Variants in SLC45A4 observed in about 807,000 individuals in gnomAD.
The protein encoded by SLC45A4 is solute carrier family 45 member 4.
In SLC45A4, 32 loss-of-function variants were observed where a neutral mutation model predicts 63.7. The observed-to-expected ratio is 0.50, with a 90% CI of 0.38 to 0.67. The LOEUF (loss-of-function observed/expected upper bound fraction) is 0.67, where lower values mean the gene tolerates loss of function less well. Among genes scored for constraint, SLC45A4 ranks in the 30% least tolerant of loss-of-function variants. The probability of loss-of-function intolerance (pLI) is 0.00; values close to 1 mark genes in which losing one functional copy is unlikely to be tolerated. For synonymous variants in SLC45A4, 535 were observed against 510.0 expected (o/e 1.05, Z -0.66); for missense variants, 1,027 against 1,157.7 (o/e 0.89, Z 1.64).
chr8:141,219,133 A>G (rs1163798898), intron 4 of SLC45A4, 104 bp from the exon 5 acceptor site: 3 of 1,311,250 alleles, frequency 2.3e-6, no homozygotes, highest in African/African-American at 3.0e-5. Context: ...GGCTGCCCTC[A>G]TGATGGGAGT....
chr8:141,307,890 TG>T (rs1418763131), intron 1 of SLC45A4, among the ~76,000 whole-genome samples: 1 of 69,010 alleles, frequency 1.4e-5, no homozygotes, highest in Non-Finnish European at 2.8e-5. Context: ...GGGAAGGAAT[TG>T]GGGGGCCCTG....
chr8:141,266,710 C>G (rs1028923957), intron 1 of SLC45A4, among the ~76,000 whole-genome samples: 1 of 152,188 alleles, frequency 6.6e-6, no homozygotes, highest in Non-Finnish European at 1.5e-5. Context: ...GTCCTTAAAA[C>G]TCAACGAAAA....
In SLC45A4 at chr8:141,221,607, C is replaced by T. The variant is rs150530787; in HGVS notation, c.400G>A (p.Val134Ile). Residue 134 changes from valine to isoleucine, a missense_variant, in exon 3 of 9, where the codon GTT (valine) becomes ATT (isoleucine). Physicochemically the swap from Val to Ile is conservative, Grantham distance 29. Coordinates refer to ENST00000517878, the MANE Select transcript of SLC45A4 (RefSeq NM_001286646.2). ...LALCVGVLFG[V>I]ALFLNGSAIG... Reference sequence around the variant, plus strand: ...GCAGAGCCGTTAAGGAAAAGTGCAACGCCAAAGAGGACGCCAACGCAGAGG... The same window carrying T: ...GCAGAGCCGTTAAGGAAAAGTGCAATGCCAAAGAGGACGCCAACGCAGAGG... 6.3e-5 allele frequency: 101 copies of T among 1,613,576 alleles called. No individual in the cohort carries two copies. In the African/African-American group the frequency reaches 1.0e-3, roughly 16 times the overall value.
chr8:141,228,377 C>T (rs747909846), intron 2 of SLC45A4: 3 of 1,537,572 alleles, frequency 2.0e-6, no homozygotes, highest in African/African-American at 2.7e-5. Flanking sequence ...GGCTAGAGGC[C>T]CCTGGCCAGA....
chr8:141,265,454 A>G (rs1442920438), intron 1 of SLC45A4, among the ~76,000 whole-genome samples: 1 of 152,260 alleles, frequency 6.6e-6, no homozygotes, highest in African/African-American at 2.4e-5. Flanking sequence ...ATCAGATACC[A>G]TAAAACCAGT....
chr8:141,218,751 A>G lies in SLC45A4; in HGVS notation c.889T>C (p.Tyr297His). 6.2e-7 allele frequency: 1 copy of G among 1,613,258 alleles called. No individual in the cohort carries two copies. Among genetic ancestry groups the G allele is most frequent in the Non-Finnish European group, 8.5e-7 (1 of 1,179,850 alleles). Residue 297 changes from tyrosine to histidine, a missense_variant, in exon 5 of 9, where the codon TAC (tyrosine) becomes CAC (histidine). Coordinates refer to ENST00000517878, the MANE Select transcript of SLC45A4 (RefSeq NM_001286646.2). ...CTGCGCATGATGTCCACGTCCGGGT[A>G]GTCCAGGGCCAGCTCGTGCTCCGAC... ...VQSEHELALDYPDVDIMRSKS... is the reference protein window; with the variant it reads ...VQSEHELALDHPDVDIMRSKS...
chr8:141,244,325 G>A (rs1160521566), intron 2 of SLC45A4, among the ~76,000 whole-genome samples: 2 of 152,306 alleles, frequency 1.3e-5, no homozygotes, highest in African/African-American at 2.4e-5. Context: ...AGCCTCCTCC[G>A]GAATGTAATA....
At chr8:141,279,805 C>T (rs1475759825) in intron 1 of SLC45A4, among the ~76,000 whole-genome samples, 1 of 152,272 alleles carries the variant, frequency 6.6e-6, no homozygotes, top group East Asian at 1.9e-4. Context: ...CAAGTCCAAA[C>T]ACAATCTGGC....
At chr8:141,211,784 T>C (rs368514066) in intron 8 of SLC45A4, 87 bp from the exon 9 acceptor site, 1 of 1,378,320 alleles carries the variant, frequency 7.3e-7, no homozygotes. Flanking sequence ...TAGCAGAGAA[T>C]GTCAGATTTT....
intron 1 of SLC45A4, among the ~76,000 whole-genome samples, chr8:141,277,698 G>A (rs1829782058): frequency 6.6e-6 from 1 of 151,632 alleles, no homozygotes; most frequent in Non-Finnish European, 1.5e-5. Flanking sequence ...GGAGTGCAGT[G>A]GGGCGATCTC....
chr8:141,216,833 GA>G (rs1826183247), intron 6 of SLC45A4, among the ~76,000 whole-genome samples: 1 of 152,200 alleles, frequency 6.6e-6, no homozygotes, highest in Non-Finnish European at 1.5e-5. Context: ...AGCATCATGG[GA>G]CCGCACAGGC....
chr8:141,306,545 G>C (rs1192812966), intron 1 of SLC45A4, among the ~76,000 whole-genome samples: 1 of 152,186 alleles, frequency 6.6e-6, no homozygotes, highest in Non-Finnish European at 1.5e-5. Context: ...AGAAAAGTGA[G>C]GACACTATAC....
At chr8:141,247,139 C>T (rs1828250243) in intron 2 of SLC45A4, among the ~76,000 whole-genome samples, 1 of 152,158 alleles carries the variant, frequency 6.6e-6, no homozygotes, top group Non-Finnish European at 1.5e-5. Flanking sequence ...CCAGGCTGAT[C>T]AAATTACCAA....
At position 141,284,056 on chromosome 8, in the gene SLC45A4, C is replaced by A. The variant is rs554915421; in HGVS notation, c.-401+24040G>T. Among the ~76,000 whole-genome samples, 21 of 152,326 alleles carry A rather than the reference C, an allele frequency of 1.4e-4. No homozygotes were observed. The South Asian group carries it at 4.4e-3, about 32-fold the overall frequency. ...TTAACTAGGACTGCTGATATATTTT[C>A]TCCACTGGCTTTCATGTACACATTA... On this transcript the variant is annotated intron_variant, in intron 1 of 8. Coordinates refer to ENST00000517878, the MANE Select transcript of SLC45A4 (RefSeq NM_001286646.2).
At chr8:141,212,685 A>C in intron 7 of SLC45A4, 129 bp from the exon 8 acceptor site, 1 of 1,148,150 alleles carries the variant, frequency 8.7e-7, no homozygotes, top group South Asian at 1.6e-5. Context: ...CTTGGCAACC[A>C]CTCCTGCCTG....
In SLC45A4 at chr8:141,218,386, C is replaced by T. The variant is rs150882337; in HGVS notation, c.1254G>A (p.Ala418=). 1.5e-4 allele frequency: 237 copies of T among 1,608,230 alleles called. 1 individual carries two copies. Among genetic ancestry groups the T allele is most frequent in the Non-Finnish European group, 1.9e-4 (230 of 1,179,632 alleles). ...TSSSMRRRRH[A]FRRQASSTFS... is the part of the protein sequence containing the mutation. Reference sequence around the variant, plus strand: ...AGGTGCTGGAGGCCTGCCTGCGGAACGCGTGCCGCCGCCGCCGCATGGAGC... The same window carrying T: ...AGGTGCTGGAGGCCTGCCTGCGGAATGCGTGCCGCCGCCGCCGCATGGAGC... Residue 418 remains alanine, a synonymous_variant, in exon 5 of 9, where the codon GCG becomes GCA. Coordinates refer to ENST00000517878, the MANE Select transcript of SLC45A4 (RefSeq NM_001286646.2).
rs749995626 is a variant in SLC45A4 at position 141,217,182 on chromosome 8, G to C, written c.1637C>G (p.Ser546Trp). The C allele has an allele frequency of 6.2e-6, 10 of 1,613,490 alleles. No homozygotes were observed. Among genetic ancestry groups the C allele is most frequent in the Admixed American group, 1.7e-5 (1 of 60,008 alleles). Reference sequence around the variant, plus strand: ...GTAGGCTTGCCAGGCGGTCGAGTTCGAGGGGGCCTGTTCCGGAAATGAGAC... The same window carrying C: ...GTAGGCTTGCCAGGCGGTCGAGTTCCAGGGGGCCTGTTCCGGAAATGAGAC... The part of the protein sequence containing the change: ...VIFEGDPKAP[S>W]NSTAWQAYNA... Residue 546 changes from serine (S) to tryptophan (W), a missense_variant, in exon 6 of 9, where the codon TCG (serine) becomes TGG (tryptophan). Ser to Trp is a radical substitution (Grantham distance 177). Coordinates refer to ENST00000517878, the MANE Select transcript of SLC45A4 (RefSeq NM_001286646.2).
At chr8:141,242,307 A>G (rs1827955219) in intron 2 of SLC45A4, among the ~76,000 whole-genome samples, 1 of 152,258 alleles carries the variant, frequency 6.6e-6, no homozygotes, top group Non-Finnish European at 1.5e-5. Flanking sequence ...AAGAAATAAA[A>G]TAAGTACTGG....
intron 1 of SLC45A4, among the ~76,000 whole-genome samples, chr8:141,257,206 G>T (rs1828836691): frequency 3.3e-5 from 5 of 152,152 alleles, no homozygotes; most frequent in Admixed American, 3.3e-4. Flanking sequence ...AACCACCCAG[G>T]TTTAATAAGG....
Sources: allele counts gnomAD v4.1 joint callset (sites outside exome capture counted in the v4.1 genomes callset), GRCh38; gene constraint gnomAD v4.1.1; transcripts MANE v1.5; gene names NCBI Gene and HGNC (gene_info 2026-07-23, HGNC 2026-07-21).